THEMIS: variants seen among roughly 807,000 people sequenced by gnomAD.
THEMIS encodes the protein protein THEMIS.
A neutral mutation model predicts 52.6 loss-of-function variants in THEMIS; 37 were observed. That is an observed-to-expected ratio of 0.70 (90% confidence interval 0.54 to 0.93). The LOEUF (loss-of-function observed/expected upper bound fraction) is 0.93, where lower values mean the gene tolerates loss of function less well. Among genes scored for constraint, THEMIS ranks in the 40% least tolerant of loss-of-function variants. THEMIS has a pLI of 0.00. For missense variants in THEMIS, 808 were observed against 763.1 expected, an observed-to-expected ratio of 1.06 and a Z score of -0.69; for synonymous variants, 292 against 272.7, an observed-to-expected ratio of 1.07 and a Z score of -0.70.
chr6:127,713,295 T>A (rs1333195306), intron 5 of THEMIS, among the ~76,000 whole-genome samples: 1 of 151,952 alleles, frequency 6.6e-6, no homozygotes, highest in Non-Finnish European at 1.5e-5. Context: ...GTATCATGTT[T>A]CAGAGATGAG....
intron 2 of THEMIS, among the ~76,000 whole-genome samples, chr6:127,847,889 A>AATTATTATTATTATTATT (rs71543127): frequency 6.8e-6 from 1 of 146,524 alleles, no homozygotes; most frequent in Admixed American, 6.9e-5. Flanking sequence ...CTCAATTTCA[A>AATTATTATTATTATTATT]ATTATTATTA....
intron 4 of THEMIS, among the ~76,000 whole-genome samples, chr6:127,762,989 A>T (rs913794274): frequency 1.3e-5 from 2 of 152,000 alleles, no homozygotes; most frequent in African/African-American, 4.8e-5. Context: ...AGACCCATAC[A>T]ACCATTATAT....
intron 4 of THEMIS, among the ~76,000 whole-genome samples, chr6:127,740,608 A>G (rs1775168871): frequency 1.3e-5 from 2 of 152,294 alleles, no homozygotes; most frequent in Non-Finnish European, 2.9e-5. Context: ...CATGCTTTGG[A>G]CGACATGAGA....
At chr6:127,911,414 A>G (rs1781408122) in intron 1 of THEMIS, among the ~76,000 whole-genome samples, 4 of 150,862 alleles carry the variant, frequency 2.7e-5, no homozygotes, top group Admixed American at 1.3e-4. Flanking sequence ...TTATGGATAT[A>G]TATATTATAT....
chr6:127,739,682 T>G, intron 4 of THEMIS, among the ~76,000 whole-genome samples: 1 of 152,124 alleles, frequency 6.6e-6, no homozygotes, highest in East Asian at 1.9e-4. Flanking sequence ...TATTTCCAGC[T>G]GCCTTTGAGG....
chr6:127,702,963 C>A, the THEMIS span, among the ~76,000 whole-genome samples: 5 of 147,732 alleles, frequency 3.4e-5, no homozygotes, highest in Admixed American at 3.4e-4. Flanking sequence ...GGGACACAGC[C>A]AAACCATATT....
rs981403252 is a variant in THEMIS at position 127,708,932 on chromosome 6, A to T, written c.*1053T>A. ...GCTAACAAATTTTGTACAGAGTATG[A>T]TCTATGGATGAAGTTCAAGCATTAC... On this transcript the variant is annotated 3_prime_UTR_variant, in exon 6 of 6. Coordinates refer to ENST00000368248, the MANE Select transcript of THEMIS (RefSeq NM_001010923.3). The T allele has an allele frequency of 2.6e-5, 4 of 152,034 alleles. No individual in the cohort carries two copies. The highest frequency in any genetic ancestry group is 9.7e-5 in the African/African-American group (4 of 41,432). 9.4% of individuals were successfully genotyped at this position (152,034 alleles called of 1,614,324 possible).
chr6:127,881,428 A>G (rs1780481914), intron 1 of THEMIS, among the ~76,000 whole-genome samples: 1 of 152,056 alleles, frequency 6.6e-6, no homozygotes, highest in Non-Finnish European at 1.5e-5. Context: ...GGAAGTACAT[A>G]CATAATCTAT....
chr6:127,856,005 C>G (rs930693487), intron 1 of THEMIS, among the ~76,000 whole-genome samples: 2 of 152,042 alleles, frequency 1.3e-5, no homozygotes, highest in South Asian at 4.1e-4. Flanking sequence ...ATATCTCTGG[C>G]ATATTATTGC....
rs1344643041 is a variant in THEMIS, at chr6:127,709,319, A to C, written c.*666T>G. ...AGACATCGTCTCAGAAATCTGGTGA[A>C]ATTTCAGTCATGAGCTTGTTGTTGG... On this transcript the variant is annotated 3_prime_UTR_variant, in exon 6 of 6. Transcript: ENST00000368248. 2.0e-5 allele frequency: 3 copies of C among 152,084 alleles called. No homozygotes were observed. Among genetic ancestry groups the C allele is most frequent in the Non-Finnish European group, 2.9e-5 (2 of 67,974 alleles). 9.4% of individuals were successfully genotyped at this position (152,084 alleles called of 1,614,324 possible). A position where few individuals can be genotyped will look rare whatever the true frequency, so the allele number is the denominator to read the frequency against.
At chr6:127,751,350 T>A (rs1478621793) in intron 4 of THEMIS, among the ~76,000 whole-genome samples, 1 of 151,666 alleles carries the variant, frequency 6.6e-6, no homozygotes, top group Non-Finnish European at 1.5e-5. Flanking sequence ...AGAAAAACCT[T>A]TAGCAGATAC....
At chr6:127,878,164 C>T (rs1020611653) in intron 1 of THEMIS, among the ~76,000 whole-genome samples, 1 of 152,138 alleles carries the variant, frequency 6.6e-6, no homozygotes, top group Non-Finnish European at 1.5e-5. Context: ...AAAATGTGTT[C>T]ATTAGTTGCA....
At chr6:127,788,737 C>T (rs1777059717) in intron 4 of THEMIS, among the ~76,000 whole-genome samples, 1 of 152,116 alleles carries the variant, frequency 6.6e-6, no homozygotes, top group Non-Finnish European at 1.5e-5. Flanking sequence ...TGTATAAATT[C>T]TACTCAGACA....
At chr6:127,848,368 AG>A (rs2114717874) in intron 2 of THEMIS, among the ~76,000 whole-genome samples, 1 of 152,186 alleles carries the variant, frequency 6.6e-6, no homozygotes, top group South Asian at 2.1e-4. Flanking sequence ...TCTTGTGAAT[AG>A]TGCTGCAATA....
chr6:127,783,357 A>T (rs1400299102), intron 4 of THEMIS, among the ~76,000 whole-genome samples: 1 of 152,198 alleles, frequency 6.6e-6, no homozygotes. Context: ...AAACACCAAA[A>T]CCAATGGCAA....
intron 3 of THEMIS, among the ~76,000 whole-genome samples, chr6:127,821,427 A>G (rs1024175189): frequency 6.6e-6 from 1 of 152,140 alleles, no homozygotes; most frequent in Non-Finnish European, 1.5e-5. Context: ...AAGTAAAAAC[A>G]TTATGTACTT....
At chr6:127,750,696 T>A (rs907074575) in intron 4 of THEMIS, among the ~76,000 whole-genome samples, 6 of 151,778 alleles carry the variant, frequency 4.0e-5, no homozygotes, top group Non-Finnish European at 8.9e-5. Context: ...TTCAAGGTTT[T>A]GAGAACATTA....
chr6:127,726,396 C>A (rs113572927), intron 4 of THEMIS, among the ~76,000 whole-genome samples: 1 of 152,064 alleles, frequency 6.6e-6, no homozygotes, highest in Non-Finnish European at 1.5e-5. Flanking sequence ...CCAAGAAAAA[C>A]CACCCTTGCT....
At chr6:127,824,267 A>C (rs957968360) in intron 3 of THEMIS, among the ~76,000 whole-genome samples, 13 of 152,128 alleles carry the variant, frequency 8.5e-5, no homozygotes, top group African/African-American at 3.1e-4. Flanking sequence ...TGAAGGAGTT[A>C]ATTATAAATC....
Sources: allele counts gnomAD v4.1 joint callset (sites outside exome capture counted in the v4.1 genomes callset), GRCh38; gene constraint gnomAD v4.1.1; transcripts MANE v1.5; gene names NCBI Gene and HGNC (gene_info 2026-07-23, HGNC 2026-07-21).